The following SLC9B1 variants were observed in gnomAD, a reference collection of about 807,000 sequenced individuals.
SLC9B1 encodes the protein solute carrier family 9 member B1.
SLC9B1 carries 32 observed loss-of-function variants against 51.7 expected under a neutral mutation model. That is an observed-to-expected ratio of 0.62 (90% CI 0.47 to 0.83). SLC9B1 has a LOEUF of 0.83. SLC9B1 is among the 40% of genes least tolerant of loss of function. SLC9B1 has a pLI of 0.00. For synonymous variants in SLC9B1, 145 were observed against 212.7 expected (o/e 0.68, Z 2.77); for missense variants, 406 against 613.2 (o/e 0.66, Z 3.57).
At chr4:102,934,879 A>G (rs911895783) in intron 6 of SLC9B1, among the ~76,000 whole-genome samples, 3 of 152,196 alleles carry the variant, frequency 2.0e-5, no homozygotes, top group African/African-American at 7.2e-5. Flanking sequence ...GATACATTCA[A>G]TTATATTAAA....
chr4:102,926,565 GA>G (rs1222413939), intron 7 of SLC9B1, among the ~76,000 whole-genome samples: 3 of 152,106 alleles, frequency 2.0e-5, no homozygotes, highest in African/African-American at 7.2e-5. Flanking sequence ...TCTTCAAGGA[GA>G]ACTACAAACC....
At chr4:103,007,280 G>A (rs1171762348) in intron 1 of SLC9B1, among the ~76,000 whole-genome samples, 4 of 152,042 alleles carry the variant, frequency 2.6e-5, no homozygotes, top group African/African-American at 9.7e-5. Context: ...AAATTTTCAG[G>A]ATACAAAATC....
chr4:102,984,567 T>C (rs148900059), intron 3 of SLC9B1, among the ~76,000 whole-genome samples: 2 of 152,338 alleles, frequency 1.3e-5, no homozygotes, highest in East Asian at 3.9e-4. Flanking sequence ...GAGCAGAGAT[T>C]GCATCCTTTC....
chr4:102,888,594 C>T (rs1456845399), intron 11 of SLC9B1: 1 of 152,270 alleles, frequency 6.6e-6, no homozygotes, highest in East Asian at 1.9e-4. Flanking sequence ...TTTAATCCTA[C>T]TATTATGAAT....
At chr4:102,963,184 C>T (rs977489681) in intron 3 of SLC9B1, 3 of 356,852 alleles carry the variant, frequency 8.4e-6, no homozygotes, top group African/African-American at 4.3e-5. Context: ...GGTAATCCAT[C>T]ACATGCACCA....
intron 1 of SLC9B1, among the ~76,000 whole-genome samples, chr4:103,007,839 G>A (rs991574139): frequency 6.6e-6 from 1 of 151,948 alleles, no homozygotes; most frequent in Admixed American, 6.6e-5. Context: ...TGATCCTCCT[G>A]CCTTGGCCTC....
intron 9 of SLC9B1, among the ~76,000 whole-genome samples, chr4:102,908,850 A>C (rs1735195766): frequency 6.6e-6 from 1 of 152,306 alleles, no homozygotes; most frequent in Non-Finnish European, 1.5e-5. Context: ...AGAAACTATA[A>C]ATTAGAAACA....
At chr4:102,977,215 G>A (rs1011578981) in intron 3 of SLC9B1, among the ~76,000 whole-genome samples, 1 of 146,598 alleles carries the variant, frequency 6.8e-6, no homozygotes, top group Admixed American at 7.0e-5. Flanking sequence ...TAAACAAACT[G>A]AATAACAGCA....
intron 3 of SLC9B1, among the ~76,000 whole-genome samples, chr4:102,986,546 G>C (rs74329444): frequency 6.6e-6 from 1 of 152,014 alleles, no homozygotes; most frequent in African/African-American, 2.4e-5. Flanking sequence ...AGTCATTATG[G>C]CTTCAATTAT....
chr4:102,930,490 C>T (rs1473168849), intron 7 of SLC9B1, among the ~76,000 whole-genome samples: 1 of 152,138 alleles, frequency 6.6e-6, no homozygotes, highest in Non-Finnish European at 1.5e-5. Context: ...CTACGGCCTC[C>T]GCCTCCTGGG....
At chr4:102,928,770 C>A (rs1408511059) in intron 7 of SLC9B1, among the ~76,000 whole-genome samples, 3 of 152,002 alleles carry the variant, frequency 2.0e-5, no homozygotes, top group Admixed American at 1.3e-4. Flanking sequence ...TGGCTCAGTC[C>A]GAGTCCCAAA....
intron 3 of SLC9B1, among the ~76,000 whole-genome samples, chr4:102,983,502 G>A (rs61145000): frequency 1.6e-3 from 247 of 152,196 alleles, no homozygotes; most frequent in African/African-American, 5.5e-3. Context: ...ATTTATCAGC[G>A]AATCCACCTG....
At chr4:102,952,834 A>T (rs1737618909) in intron 3 of SLC9B1, among the ~76,000 whole-genome samples, 1 of 55,578 alleles carries the variant, frequency 1.8e-5, no homozygotes, top group Non-Finnish European at 3.3e-5. Flanking sequence ...TTTTTCTTGT[A>T]AATTTGTTTG....
chr4:102,981,073 T>A (rs111747855), intron 3 of SLC9B1, among the ~76,000 whole-genome samples: 2 of 152,310 alleles, frequency 1.3e-5, no homozygotes, highest in African/African-American at 4.8e-5. Flanking sequence ...CCTGTTAGAA[T>A]GTCATATAGT....
intron 3 of SLC9B1, among the ~76,000 whole-genome samples, chr4:102,956,066 G>A (rs1277536373): frequency 6.6e-6 from 1 of 152,094 alleles, no homozygotes; most frequent in East Asian, 1.9e-4. Flanking sequence ...ACATGTGAAG[G>A]ACAGTAACCT....
At chr4:102,957,525 T>A (rs1180909053) in intron 3 of SLC9B1, among the ~76,000 whole-genome samples, 2 of 152,144 alleles carry the variant, frequency 1.3e-5, no homozygotes, top group African/African-American at 2.4e-5. Flanking sequence ...ATTTCAAAAG[T>A]GGAGGGAAAA....
chr4:102,967,645 C>A (rs926932369), intron 3 of SLC9B1, among the ~76,000 whole-genome samples: 16 of 152,110 alleles, frequency 1.1e-4, no homozygotes, highest in Admixed American at 6.5e-5. Context: ...ACTAATCCCA[C>A]AAGAGTGAGA....
At chr4:102,977,927 T>C (rs1315868189) in intron 3 of SLC9B1, among the ~76,000 whole-genome samples, 1 of 152,158 alleles carries the variant, frequency 6.6e-6, no homozygotes, top group Non-Finnish European at 1.5e-5. Flanking sequence ...CATTTAACAT[T>C]AGGTGTATCT....
intron 3 of SLC9B1, among the ~76,000 whole-genome samples, chr4:102,960,840 C>T (rs1317381599): frequency 6.6e-6 from 1 of 151,578 alleles, no homozygotes; most frequent in Non-Finnish European, 1.5e-5. Context: ...TCAAGCGATT[C>T]TCCTGCCTCA....
Sources: allele counts gnomAD v4.1 joint callset (sites outside exome capture counted in the v4.1 genomes callset), GRCh38; gene constraint gnomAD v4.1.1; transcripts MANE v1.5; gene names NCBI Gene and HGNC (gene_info 2026-07-23, HGNC 2026-07-21).